DENND4C: variants seen among roughly 807,000 people sequenced by gnomAD.
DENND4C encodes DENN domain containing 4C, also known as DENN domain-containing protein 4C.
In DENND4C, 108 loss-of-function variants were observed where a neutral mutation model predicts 203.0. That is an observed-to-expected ratio of 0.53 (90% CI 0.46 to 0.62). The LOEUF is 0.62. DENND4C is among the 20% of genes least tolerant of loss of function. The pLI, the probability that DENND4C is intolerant of heterozygous loss-of-function variation, is 0.00. For synonymous variants in DENND4C, 871 were observed against 792.4 expected, an observed-to-expected ratio of 1.10 and a Z score of -1.67; for missense variants, 2,481 against 2,301.2, an observed-to-expected ratio of 1.08 and a Z score of -1.60.
intron 30 of DENND4C, among the ~76,000 whole-genome samples, chr9:19,367,679 G>A (rs1827970011): frequency 6.6e-6 from 1 of 152,224 alleles, no homozygotes; most frequent in African/African-American, 2.4e-5. Flanking sequence ...GGCAGAGGTT[G>A]CAGTGAGCTG....
Position 19,352,128 on chromosome 9 carries a change from T to C in DENND4C, c.4551T>C (p.His1517=). The change falls in exon 25 of 33, where the codon CAT becomes CAC. Residue 1517 remains histidine (H), a synonymous_variant. Transcript: ENST00000434457. ...MKGQDFEKSD[H]GSSQNTSMSS... is the part of the protein sequence containing the mutation. ...GGCAAGACTTTGAAAAATCAGATCA[T>C]GGTTCTTCTCAAAATACCAGCATGT... 6.2e-7 allele frequency: 1 copy of C among 1,613,918 alleles called. No individual in the cohort carries two copies. The highest frequency in any genetic ancestry group is 8.5e-7 in the Non-Finnish European group (1 of 1,179,916).
intron 30 of DENND4C, among the ~76,000 whole-genome samples, chr9:19,368,007 T>C (rs879049055): frequency 6.6e-6 from 1 of 152,248 alleles, no homozygotes; most frequent in East Asian, 1.9e-4. Context: ...GGGTTTCTTT[T>C]TGGGATATGA....
chr9:19,357,871 A>T, intron 27 of DENND4C, 94 bp from the exon 28 acceptor site: 1 of 978,462 alleles, frequency 1.0e-6, no homozygotes, highest in Non-Finnish European at 1.5e-6. Context: ...TATATTTAGT[A>T]GACTCAAGGT....
At position 19,372,092 on chromosome 9, in the gene DENND4C, T is replaced by C. The variant is rs1828950279; in HGVS notation, c.5796T>C (p.Leu1932=). The C allele has an allele frequency of 6.2e-7, 1 of 1,613,994 alleles. No individual in the cohort carries two copies. Among genetic ancestry groups the C allele is most frequent in the African/African-American group, 1.3e-5 (1 of 74,932 alleles). ...IAYNSLSSEI[L]ERLQKIDAPP... is the part of the protein sequence containing the mutation. ...ACAATAGTCTGTCTTCAGAGATTCT[T>C]GAAAGGTTGCAGAAAATTGATGCTC... is the stretch of plus-strand genomic sequence containing the variant. Residue 1932 remains leucine, a synonymous_variant, in exon 33 of 33, where the codon CTT becomes CTC. Transcript: ENST00000434457.
intron 1 of DENND4C, among the ~76,000 whole-genome samples, chr9:19,236,506 CAAGT>C (rs1213188728): frequency 2.0e-5 from 3 of 152,114 alleles, no homozygotes. Context: ...GTCTTACAGT[CAAGT>C]AAGAAATTAA....
chr9:19,278,051 C>G (rs1391316821), intron 2 of DENND4C, among the ~76,000 whole-genome samples: 4 of 146,158 alleles, frequency 2.7e-5, no homozygotes, highest in Non-Finnish European at 3.0e-5. Context: ...CCAAATTTTT[C>G]TAATTCATGA....
intron 21 of DENND4C, among the ~76,000 whole-genome samples, chr9:19,341,813 T>C (rs1368963940): frequency 6.6e-6 from 1 of 152,176 alleles, no homozygotes; most frequent in Non-Finnish European, 1.5e-5. Context: ...GTGCATAGTT[T>C]TCATTGGTAG....
chr9:19,245,535 T>TTA (rs1824981934), intron 1 of DENND4C, among the ~76,000 whole-genome samples: 1 of 148,362 alleles, frequency 6.7e-6, no homozygotes, highest in East Asian at 2.0e-4. Context: ...ACCCTAGACT[T>TTA]TATCACCATG....
chr9:19,320,776 C>A (rs952541386), intron 12 of DENND4C, among the ~76,000 whole-genome samples: 1 of 152,214 alleles, frequency 6.6e-6, no homozygotes, highest in African/African-American at 2.4e-5. Flanking sequence ...TACCCTCACT[C>A]ATTCATTGTA....
At chr9:19,336,534 A>C (rs945088252) in intron 19 of DENND4C, 120 bp downstream of exon 19, 1 of 1,442,542 alleles carries the variant, frequency 6.9e-7, no homozygotes, top group African/African-American at 1.4e-5. Context: ...CATACATTTA[A>C]AGACAGATTG....
At chr9:19,235,214 C>G (rs1327453280) in intron 1 of DENND4C, among the ~76,000 whole-genome samples, 1 of 152,194 alleles carries the variant, frequency 6.6e-6, no homozygotes, top group Non-Finnish European at 1.5e-5. Flanking sequence ...ATCCATCCGC[C>G]TCGGCCTCCC....
rs1203338880 is a variant in DENND4C, at chr9:19,307,467, C to G, written c.1487+1940C>G. ...AATGTAAATAACTTGTATCTATTCA[C>G]CACAACTTTATTAAGAAATAGGCCG... On this transcript the variant is annotated intron_variant, in intron 10 of 32. Transcript: ENST00000434457. Among the ~76,000 whole-genome samples the G allele has an allele frequency of 2.0e-5, 3 of 150,498 alleles. No individual in the cohort carries two copies. The East Asian group carries it at 5.9e-4, about 30-fold the overall frequency.
chr9:19,319,377 C>CACATAT, intron 12 of DENND4C, among the ~76,000 whole-genome samples: 1 of 109,838 alleles, frequency 9.1e-6, no homozygotes, highest in African/African-American at 3.8e-5. Context: ...TATATATACA[C>CACATAT]ATACATATAT....
At chr9:19,307,748 C>T (rs56876813) in intron 10 of DENND4C, among the ~76,000 whole-genome samples, 1,649 of 139,552 alleles carry the variant, frequency 0.012, 30 homozygotes, top group African/African-American at 0.039. Context: ...CCAGCCTGGG[C>T]GACAGAGCGA....
At chr9:19,253,305 C>G (rs1343594568) in intron 1 of DENND4C, among the ~76,000 whole-genome samples, 1 of 152,204 alleles carries the variant, frequency 6.6e-6, no homozygotes, top group African/African-American at 2.4e-5. Flanking sequence ...TCTCTAGTTC[C>G]CACAACTCTT....
chr9:19,272,706 G>T (rs561705201), intron 1 of DENND4C, among the ~76,000 whole-genome samples: 1 of 152,112 alleles, frequency 6.6e-6, no homozygotes. Flanking sequence ...AAAACATTTA[G>T]AAGAAAATGT....
At chr9:19,362,637 A>G (rs941336087) in intron 30 of DENND4C, among the ~76,000 whole-genome samples, 1 of 151,968 alleles carries the variant, frequency 6.6e-6, no homozygotes, top group Admixed American at 6.6e-5. Context: ...GAGTTGAGTA[A>G]TTTTTTTGGT....
At chr9:19,351,153 G>A (rs1053381389) in intron 24 of DENND4C, among the ~76,000 whole-genome samples, 1 of 151,956 alleles carries the variant, frequency 6.6e-6, no homozygotes, top group Non-Finnish European at 1.5e-5. Flanking sequence ...AATACTAGCC[G>A]CCTTATGATC....
intron 1 of DENND4C, among the ~76,000 whole-genome samples, chr9:19,268,194 G>A (rs1307514052): frequency 2.0e-5 from 3 of 151,694 alleles, no homozygotes; most frequent in East Asian, 1.9e-4. Flanking sequence ...CGACCTCTCC[G>A]GCTTAAGCCA....
Sources: allele counts gnomAD v4.1 joint callset (sites outside exome capture counted in the v4.1 genomes callset), GRCh38; gene constraint gnomAD v4.1.1; transcripts MANE v1.5; gene names NCBI Gene and HGNC (gene_info 2026-07-23, HGNC 2026-07-21).